Variants in MICU1 observed in about 807,000 individuals in gnomAD.
MICU1 encodes the protein mitochondrial calcium uptake 1, also known as calcium uptake protein 1, mitochondrial.
Under a neutral mutation model 56.8 loss-of-function variants are expected in MICU1, and 45 were observed. That is an observed-to-expected ratio of 0.79 (90% CI 0.62 to 1.02). The LOEUF (loss-of-function observed/expected upper bound fraction) is 1.02, where lower values mean the gene tolerates loss of function less well. Among genes scored for constraint, MICU1 ranks in the 50% least tolerant of loss-of-function variants. The probability of loss-of-function intolerance (pLI) is 0.00; values close to 1 mark genes in which losing one functional copy is unlikely to be tolerated. For missense variants in MICU1, 504 were observed against 587.1 expected (o/e 0.86, Z 1.46); for synonymous variants, 186 against 195.1 (o/e 0.95, Z 0.39).
At chr10:72,575,776 C>T (rs1028309050) in intron 1 of MICU1, among the ~76,000 whole-genome samples, 2 of 152,156 alleles carry the variant, frequency 1.3e-5, no homozygotes, top group Non-Finnish European at 2.9e-5. Context: ...GTCATTTCCC[C>T]GTCTCTCTCC....
At chr10:72,546,082 G>C (rs1054549901) in intron 4 of MICU1, among the ~76,000 whole-genome samples, 1 of 152,182 alleles carries the variant, frequency 6.6e-6, no homozygotes, top group Admixed American at 6.5e-5. Context: ...CTTTGGCTAA[G>C]GGGAGGGGTC....
chr10:72,379,595 C>A, intron 10 of MICU1: 1 of 424,784 alleles, frequency 2.4e-6, no homozygotes, highest in South Asian at 1.7e-5. Context: ...TGTAAATAAA[C>A]CATTAATTAA....
intron 1 of MICU1, among the ~76,000 whole-genome samples, chr10:72,607,563 G>A (rs1330100738): frequency 6.6e-6 from 1 of 151,006 alleles, no homozygotes; most frequent in Non-Finnish European, 1.5e-5. Context: ...CTTGAACCTG[G>A]GAGGCAGAGG....
At chr10:72,475,035 A>T in intron 8 of MICU1, 65 bp downstream of exon 8, 1 of 1,387,906 alleles carries the variant, frequency 7.2e-7, no homozygotes. Context: ...GAATGCCTAT[A>T]GTACAGGCCC....
At chr10:72,595,002 T>C (rs1391506261) in intron 1 of MICU1, among the ~76,000 whole-genome samples, 1 of 148,052 alleles carries the variant, frequency 6.8e-6, no homozygotes, top group African/African-American at 2.5e-5. Flanking sequence ...TTAGGTATGA[T>C]ACATTTATAT....
intron 6 of MICU1, among the ~76,000 whole-genome samples, chr10:72,501,219 A>C (rs1167169590): frequency 6.6e-6 from 1 of 152,174 alleles, no homozygotes; most frequent in African/African-American, 2.4e-5. Flanking sequence ...TAAGGTTTAA[A>C]GCAATAGAAT....
chr10:72,528,077 C>T (rs1242618392), intron 5 of MICU1, among the ~76,000 whole-genome samples: 4 of 152,166 alleles, frequency 2.6e-5, no homozygotes, highest in South Asian at 2.1e-4. Context: ...CCACCTGCCT[C>T]GGCCTCCCAA....
At chr10:72,489,000 C>T (rs1866561666) in intron 6 of MICU1, among the ~76,000 whole-genome samples, 1 of 152,110 alleles carries the variant, frequency 6.6e-6, no homozygotes. Context: ...TTAGATGTAG[C>T]TTACAAGGCC....
At chr10:72,471,693 A>G (rs1865957052) in intron 8 of MICU1, among the ~76,000 whole-genome samples, 1 of 152,124 alleles carries the variant, frequency 6.6e-6, no homozygotes, top group Non-Finnish European at 1.5e-5. Context: ...TTGTAATTAC[A>G]TAATTAATAA....
At chr10:72,505,201 A>ACT (rs1378561385) in intron 6 of MICU1, among the ~76,000 whole-genome samples, 1 of 150,198 alleles carries the variant, frequency 6.7e-6, no homozygotes, top group Non-Finnish European at 1.5e-5. Flanking sequence ...CTGATCTTGA[A>ACT]CTCCTGACCT....
At position 72,492,890 on chromosome 10, in the gene MICU1, G is replaced by C. The variant is rs898255543; in HGVS notation, c.652+15265C>G. Among the ~76,000 whole-genome samples the C allele has an allele frequency of 2.6e-5, 4 of 151,840 alleles. 1 individual carries two copies. Among genetic ancestry groups the C allele is most frequent in the African/African-American group, 9.7e-5 (4 of 41,310 alleles). ...CCAACACTTTGGGAGGCCGAGGCGAGTGGATCACTTGAGGTCAGGAGTTCA... is the reference window on the plus strand; with the variant it reads ...CCAACACTTTGGGAGGCCGAGGCGACTGGATCACTTGAGGTCAGGAGTTCA... On this transcript the variant is annotated intron_variant, in intron 6 of 11. Coordinates refer to ENST00000361114, the MANE Select transcript of MICU1 (RefSeq NM_001195518.2).
At chr10:72,370,612 G>C (rs1044617689) in intron 11 of MICU1, among the ~76,000 whole-genome samples, 6 of 152,190 alleles carry the variant, frequency 3.9e-5, no homozygotes, top group African/African-American at 1.4e-4. Context: ...TGACTCTTGG[G>C]GAAGGAAGTG....
At chr10:72,557,081 A>T (rs1840177912) in intron 3 of MICU1, among the ~76,000 whole-genome samples, 1 of 152,144 alleles carries the variant, frequency 6.6e-6, no homozygotes, top group African/African-American at 2.4e-5. Flanking sequence ...AAAAAGAAAA[A>T]GAAAAATCTC....
intron 5 of MICU1, among the ~76,000 whole-genome samples, chr10:72,526,028 G>A (rs1249281494): frequency 2.0e-5 from 3 of 151,656 alleles, no homozygotes; most frequent in Non-Finnish European, 4.4e-5. Context: ...AGAGTACTGA[G>A]ATACTCAAAA....
intron 5 of MICU1, among the ~76,000 whole-genome samples, chr10:72,512,097 G>GTTT (rs1867471926): frequency 1.1e-4 from 11 of 100,702 alleles, no homozygotes; most frequent in African/African-American, 4.6e-4. Flanking sequence ...TCCATACACA[G>GTTT]TTGTTTTTTG....
intron 8 of MICU1, among the ~76,000 whole-genome samples, chr10:72,427,757 T>C (rs1251879303): frequency 2.9e-5 from 2 of 69,544 alleles, no homozygotes; most frequent in Non-Finnish European, 7.3e-5. Context: ...TATATATATA[T>C]ATATATATAT....
chr10:72,474,478 T>C (rs557275690), intron 8 of MICU1, among the ~76,000 whole-genome samples: 4 of 152,240 alleles, frequency 2.6e-5, no homozygotes, highest in Admixed American at 6.5e-5. Context: ...AGTAAACTTG[T>C]AAATCCCCAA....
intron 5 of MICU1, among the ~76,000 whole-genome samples, chr10:72,522,469 C>T (rs1227909410): frequency 5.9e-5 from 9 of 152,024 alleles, no homozygotes; most frequent in Non-Finnish European, 1.0e-4. Flanking sequence ...ATATTTGAGA[C>T]AACTAAGTAA....
chr10:72,519,498 A>G (rs1338885426), intron 5 of MICU1, among the ~76,000 whole-genome samples: 3 of 152,234 alleles, frequency 2.0e-5, no homozygotes, highest in Non-Finnish European at 4.4e-5. Context: ...TGTAACTGTT[A>G]CACTTCACAG....
Sources: gnomAD v4.1 joint callset for allele counts (sites outside exome capture counted in the v4.1 genomes callset) on GRCh38, gnomAD v4.1.1 for gene constraint, MANE v1.5 for transcripts, NCBI Gene and HGNC (gene_info 2026-07-23, HGNC 2026-07-21) for gene names.